Variants in AGAP1 observed in about 807,000 individuals in gnomAD.
The protein encoded by AGAP1 is ArfGAP with GTPase domain, ankyrin repeat and PH domain 1.
Under a neutral mutation model 105.3 loss-of-function variants are expected in AGAP1, and 29 were observed. That is an observed-to-expected ratio of 0.28 (90% CI 0.21 to 0.38). The LOEUF (loss-of-function observed/expected upper bound fraction) is 0.38, where lower values mean the gene tolerates loss of function less well. AGAP1 is among the 10% of genes least tolerant of loss of function. AGAP1 has a pLI of 1.00. For synonymous variants in AGAP1, 509 were observed against 485.9 expected, an observed-to-expected ratio of 1.05 and a Z score of -0.63; for missense variants, 998 against 1,165.1, an observed-to-expected ratio of 0.86 and a Z score of 2.09.
chr2:235,782,131 G>A (rs1316763723), intron 6 of AGAP1, among the ~76,000 whole-genome samples: 1 of 152,184 alleles, frequency 6.6e-6, no homozygotes, highest in African/African-American at 2.4e-5. Context: ...CCCTCCTCAC[G>A]AGAGGCTACA....
chr2:235,638,183 T>C (rs769094982), intron 1 of AGAP1, among the ~76,000 whole-genome samples: 18 of 152,342 alleles, frequency 1.2e-4, no homozygotes, highest in Non-Finnish European at 7.3e-5. Context: ...TAGTTGGTTC[T>C]GTCACACAGC....
intron 1 of AGAP1, among the ~76,000 whole-genome samples, chr2:235,532,368 C>G (rs546834364): frequency 1.3e-4 from 20 of 152,342 alleles, no homozygotes; most frequent in South Asian, 8.3e-4. Context: ...AGGCCCACGC[C>G]ATCACACCTA....
rs1381138694 is a variant in AGAP1 at position 235,824,729 on chromosome 2, C to G, written c.1050+17398C>G. ...ATATTCCACATGTAGATGAGATGTGCCCTTATATGAGACGGCCTGCATTCT... is the reference window on the plus strand; with the variant it reads ...ATATTCCACATGTAGATGAGATGTGGCCTTATATGAGACGGCCTGCATTCT... On this transcript the variant is annotated intron_variant, in intron 9 of 17. Coordinates refer to ENST00000304032, the MANE Select transcript of AGAP1 (RefSeq NM_001037131.3). The surrounding 1 kb of genome is among the most constrained non-coding windows in gnomAD (Gnocchi z 5.2). Among the ~76,000 whole-genome samples, 1 of 152,068 alleles carries G rather than the reference C, an allele frequency of 6.6e-6. No homozygotes were observed. The highest frequency in any genetic ancestry group is 1.5e-5 in the Non-Finnish European group (1 of 68,008).
At chr2:235,819,794 G>T (rs904033608) in intron 9 of AGAP1, among the ~76,000 whole-genome samples, 2 of 151,978 alleles carry the variant, frequency 1.3e-5, no homozygotes, top group African/African-American at 4.8e-5. Context: ...TCTTTCTCCT[G>T]CGTTGTGTAC....
rs1423756248 is a variant in AGAP1 at position 235,663,258 on chromosome 2, A to G, written c.164-45921A>G. ...TGGGAGACAGAGGTTGCAGTGAGCC[A>G]AGATTGCACCATTGCACTCCAGCCT... On this transcript the variant is annotated intron_variant, in intron 1 of 17. Coordinates refer to ENST00000304032, the MANE Select transcript of AGAP1 (RefSeq NM_001037131.3). The surrounding 1 kb of genome is among the most constrained non-coding windows in gnomAD (Gnocchi z 5.4). Among the ~76,000 whole-genome samples, 1 of 152,120 alleles carries G rather than the reference A, an allele frequency of 6.6e-6. No homozygotes were observed. Among genetic ancestry groups the G allele is most frequent in the East Asian group, 1.9e-4 (1 of 5,168 alleles).
rs1430215930 is a variant in AGAP1 at position 236,131,738 on chromosome 2, G to A, written c.*7616G>A. On this transcript the variant is annotated 3_prime_UTR_variant, in exon 18 of 18. Transcript: ENST00000304032. The surrounding 1 kb of genome is among the most constrained non-coding windows in gnomAD (Gnocchi z 5.9). ...AAAGAAAGATGTGTAAAGTAACAGA[G>A]AGAGGTGGCTATGGTGTAGAGACCT... 2 of 151,960 alleles carry A rather than the reference G, an allele frequency of 1.3e-5. No individual in the cohort carries two copies. Among genetic ancestry groups the A allele is most frequent in the Non-Finnish European group, 2.9e-5 (2 of 68,000 alleles). 9.4% of individuals were successfully genotyped at this position (151,960 alleles called of 1,614,324 possible). A position where few individuals can be genotyped will look rare whatever the true frequency, so the allele number is the denominator to read the frequency against.
chr2:235,776,090 G>A (rs1159340373), intron 6 of AGAP1, among the ~76,000 whole-genome samples: 3 of 152,118 alleles, frequency 2.0e-5, no homozygotes, highest in Non-Finnish European at 4.4e-5. Flanking sequence ...TATTAGATGC[G>A]TGACCCTCCC....
In AGAP1 at chr2:235,857,430, G is replaced by A. The variant is rs142971075; in HGVS notation, c.1051-25915G>A. Among the ~76,000 whole-genome samples, 1,322 of 152,254 alleles carry A rather than the reference G, an allele frequency of 8.7e-3. 15 individuals carry two copies. Among genetic ancestry groups the A allele is most frequent in the African/African-American group, 0.03 (1,248 of 41,526 alleles). Reference sequence around the variant, plus strand: ...CGCTGTCGTAGATCCTTTGACGAGCGTCCCCAAGGAGACCTCAGACACAGG... The same window carrying A: ...CGCTGTCGTAGATCCTTTGACGAGCATCCCCAAGGAGACCTCAGACACAGG... On this transcript the variant is annotated intron_variant, in intron 9 of 17. Transcript: ENST00000304032.
Position 235,736,954 on chromosome 2 carries a change from T to A in AGAP1, c.311-4009T>A, listed in dbSNP as rs550350783. On this transcript the variant is annotated intron_variant, in intron 3 of 17. Transcript: ENST00000304032. This position sits in a 1 kb window ranked among gnomAD's most constrained non-coding sequence, Gnocchi z 5.5. ...GGTGCAAGTGGTGGTGCCTGCAGAG[T>A]ACCAGCTTGTTGCCAACGATGCTGT... Among the ~76,000 whole-genome samples, 3 of 152,274 alleles carry A rather than the reference T, an allele frequency of 2.0e-5. No individual in the cohort carries two copies. In the South Asian group the frequency reaches 6.2e-4, roughly 32 times the overall value.
At chr2:235,594,995 C>T (rs1200416208) in intron 1 of AGAP1, among the ~76,000 whole-genome samples, 2 of 150,586 alleles carry the variant, frequency 1.3e-5, no homozygotes, top group African/African-American at 4.9e-5. Flanking sequence ...ACCAGGCTGG[C>T]ACTGGCAAGG....
chr2:235,784,886 G>A (rs1196096142), intron 6 of AGAP1, among the ~76,000 whole-genome samples: 1 of 152,092 alleles, frequency 6.6e-6, no homozygotes, highest in Non-Finnish European at 1.5e-5. Flanking sequence ...ATAATGGATG[G>A]GTGCTGGGGA....
intron 11 of AGAP1, among the ~76,000 whole-genome samples, chr2:235,909,846 C>T (rs2051490864): frequency 6.6e-6 from 1 of 152,068 alleles, no homozygotes; most frequent in African/African-American, 2.4e-5. Flanking sequence ...CCTGGTGAAA[C>T]CCCGTCTCTA....
chr2:236,011,978 T>C (rs2056528109), intron 13 of AGAP1, among the ~76,000 whole-genome samples: 1 of 152,060 alleles, frequency 6.6e-6, no homozygotes, highest in South Asian at 2.1e-4. Flanking sequence ...TTGATGATAA[T>C]AGGATTGTAT....
intron 8 of AGAP1, among the ~76,000 whole-genome samples, chr2:235,800,546 G>A (rs545531958): frequency 6.6e-6 from 1 of 152,310 alleles, no homozygotes; most frequent in East Asian, 1.9e-4. Flanking sequence ...CAGTTGAGCC[G>A]CAAACTCCAG....
chr2:235,796,412 G>A (rs1218190493), intron 6 of AGAP1, among the ~76,000 whole-genome samples: 1 of 152,102 alleles, frequency 6.6e-6, no homozygotes, highest in African/African-American at 2.4e-5. Flanking sequence ...ATATTCCTCT[G>A]TAATTTAAAC....
intron 16 of AGAP1, among the ~76,000 whole-genome samples, chr2:236,107,129 C>T (rs550809901): frequency 5.3e-5 from 8 of 150,192 alleles, no homozygotes; most frequent in African/African-American, 2.0e-4. Context: ...CCCCCGCCAG[C>T]GGATTCTCCT....
chr2:235,786,781 A>G (rs1055408560), intron 6 of AGAP1, among the ~76,000 whole-genome samples: 6 of 152,142 alleles, frequency 3.9e-5, no homozygotes, highest in Non-Finnish European at 8.8e-5. Context: ...TGAGCAGGTG[A>G]GGTCTTGAAG....
At chr2:235,851,665 G>A (rs975730997) in intron 9 of AGAP1, among the ~76,000 whole-genome samples, 5 of 152,008 alleles carry the variant, frequency 3.3e-5, no homozygotes, top group Admixed American at 2.6e-4. Flanking sequence ...CAGAACACCC[G>A]GAAATACAAG....
Position 235,700,139 on chromosome 2 carries a change from G to A in AGAP1, c.164-9040G>A, listed in dbSNP as rs1323999006. ...TATAACAGTGAGATGGAAACGGGAT[G>A]GAATTGGGGCATGGGTTTCAGGACT... On this transcript the variant is annotated intron_variant, in intron 1 of 17. Coordinates refer to ENST00000304032, the MANE Select transcript of AGAP1 (RefSeq NM_001037131.3). The surrounding 1 kb of genome is among the most constrained non-coding windows in gnomAD (Gnocchi z 6.1). Among the ~76,000 whole-genome samples, 1 of 152,174 alleles carries A rather than the reference G, an allele frequency of 6.6e-6. No individual in the cohort carries two copies. The highest frequency in any genetic ancestry group is 1.5e-5 in the Non-Finnish European group (1 of 68,038).
Sources: allele counts gnomAD v4.1 joint callset (sites outside exome capture counted in the v4.1 genomes callset), GRCh38; gene constraint gnomAD v4.1.1; non-coding constraint Gnocchi (gnomAD v3.1); transcripts MANE v1.5; gene names NCBI Gene and HGNC (gene_info 2026-07-23, HGNC 2026-07-21).